The following SMOC2 variants were observed in gnomAD, a reference collection of about 807,000 sequenced individuals.
SMOC2 encodes the protein SPARC related modular calcium binding 2, also known as SPARC-related modular calcium-binding protein 2.
A neutral mutation model predicts 61.4 loss-of-function variants in SMOC2; 39 were observed. The observed-to-expected ratio is 0.64, with a 90% CI of 0.49 to 0.83. The LOEUF is 0.83. Ranked by LOEUF, SMOC2 falls within the 40% of genes least tolerant of loss-of-function variation. The pLI, the probability that SMOC2 is intolerant of heterozygous loss-of-function variation, is 0.00. For missense variants in SMOC2, 556 were observed against 592.9 expected, an observed-to-expected ratio of 0.94 and a Z score of 0.65; for synonymous variants, 247 against 239.9, an observed-to-expected ratio of 1.03 and a Z score of -0.27.
intron 1 of SMOC2, among the ~76,000 whole-genome samples, chr6:168,497,186 A>G (rs755948061): frequency 6.6e-6 from 1 of 152,236 alleles, no homozygotes. Flanking sequence ...CCCCAAGCCC[A>G]TGACTGGGTT....
At chr6:168,516,857 G>A (rs1783148050) in intron 2 of SMOC2, among the ~76,000 whole-genome samples, 2 of 152,204 alleles carry the variant, frequency 1.3e-5, no homozygotes, top group Admixed American at 6.5e-5. Flanking sequence ...AGGAGGCTGA[G>A]GCAGGGGAAT....
chr6:168,623,867 G>C (rs1786313824), intron 9 of SMOC2, among the ~76,000 whole-genome samples: 1 of 152,162 alleles, frequency 6.6e-6, no homozygotes, highest in African/African-American at 2.4e-5. Flanking sequence ...GCTGATGCGT[G>C]CTGAGGCCTG....
intron 5 of SMOC2, 75 bp from the exon 6 acceptor site, chr6:168,547,044 C>T: frequency 6.3e-7 from 1 of 1,576,682 alleles, no homozygotes; most frequent in Non-Finnish European, 8.7e-7. Flanking sequence ...CCTCAGCATC[C>T]ACCCGTATGC....
intron 4 of SMOC2, among the ~76,000 whole-genome samples, chr6:168,538,436 G>A (rs1216985833): frequency 6.2e-5 from 6 of 96,524 alleles, no homozygotes; most frequent in African/African-American, 8.4e-5. Context: ...CTGCTGGAAT[G>A]TGGGGGAGTG....
chr6:168,479,662 G>C (rs941506328), intron 1 of SMOC2, among the ~76,000 whole-genome samples: 4 of 152,218 alleles, frequency 2.6e-5, no homozygotes, highest in African/African-American at 9.7e-5. Flanking sequence ...CCTGGAACAG[G>C]CTGCATGCAG....
At chr6:168,473,167 C>T (rs1304871820) in intron 1 of SMOC2, among the ~76,000 whole-genome samples, 1 of 152,178 alleles carries the variant, frequency 6.6e-6, no homozygotes, top group Non-Finnish European at 1.5e-5. Flanking sequence ...GTGGACAGAG[C>T]AGGGAGTGGG....
chr6:168,483,043 G>C (rs953595505), intron 1 of SMOC2, among the ~76,000 whole-genome samples: 1 of 152,070 alleles, frequency 6.6e-6, no homozygotes, highest in Non-Finnish European at 1.5e-5. Flanking sequence ...AGTACTGAAA[G>C]TTCTAGCTAG....
intron 1 of SMOC2, among the ~76,000 whole-genome samples, chr6:168,446,306 T>G (rs1781332056): frequency 6.6e-6 from 1 of 152,186 alleles, no homozygotes; most frequent in African/African-American, 2.4e-5. Context: ...GAGGTTGCAG[T>G]GAGCCGAGAT....
intron 11 of SMOC2, 56 bp downstream of exon 11, chr6:168,653,284 G>T: frequency 1.3e-6 from 2 of 1,554,284 alleles, no homozygotes; most frequent in Admixed American, 2.1e-5. Flanking sequence ...AGGCCTGGGA[G>T]GTCTGCTTCT....
At chr6:168,529,173 G>A (rs1173801017) in intron 4 of SMOC2, among the ~76,000 whole-genome samples, 1 of 152,198 alleles carries the variant, frequency 6.6e-6, no homozygotes, top group East Asian at 1.9e-4. Flanking sequence ...CTTCCAACTA[G>A]GTCTCAGTAT....
chr6:168,598,471 C>T (rs1029141937), intron 7 of SMOC2, among the ~76,000 whole-genome samples: 7 of 152,206 alleles, frequency 4.6e-5, no homozygotes, highest in African/African-American at 1.7e-4. Flanking sequence ...GGTTCTGCCT[C>T]GTCACATTCA....
At chr6:168,461,559 A>G (rs1217550570) in intron 1 of SMOC2, among the ~76,000 whole-genome samples, 3 of 152,078 alleles carry the variant, frequency 2.0e-5, no homozygotes, top group Non-Finnish European at 4.4e-5. Flanking sequence ...ATTTGACTTC[A>G]TGTTGATTTT....
At chr6:168,532,414 T>C (rs555261862) in intron 4 of SMOC2, among the ~76,000 whole-genome samples, 18 of 152,262 alleles carry the variant, frequency 1.2e-4, no homozygotes, top group African/African-American at 4.3e-4. Context: ...GTTTCTTTCT[T>C]TTCTTCCTCA....
intron 9 of SMOC2, among the ~76,000 whole-genome samples, chr6:168,635,422 C>T (rs1233799858): frequency 6.6e-6 from 1 of 152,150 alleles, no homozygotes; most frequent in Non-Finnish European, 1.5e-5. Flanking sequence ...CCCGTGGCCC[C>T]GCGTGGGGCC....
chr6:168,626,959 G>C (rs988116867), intron 9 of SMOC2, among the ~76,000 whole-genome samples: 24 of 152,286 alleles, frequency 1.6e-4, no homozygotes, highest in African/African-American at 5.8e-4. Context: ...TACCTGCTGT[G>C]TTTGATTATA....
At chr6:168,637,853 G>C (rs1462729773) in intron 9 of SMOC2, among the ~76,000 whole-genome samples, 1 of 152,182 alleles carries the variant, frequency 6.6e-6, no homozygotes, top group East Asian at 1.9e-4. Flanking sequence ...TACGGGGAAG[G>C]GGAAGCTGGG....
intron 1 of SMOC2, among the ~76,000 whole-genome samples, chr6:168,457,095 C>G (rs1311338413): frequency 1.3e-5 from 2 of 152,238 alleles, no homozygotes; most frequent in African/African-American, 4.8e-5. Flanking sequence ...AGCCCTGTGT[C>G]CTCACACTGC....
Position 168,544,421 on chromosome 6 carries a change from A to G in SMOC2, c.511+749A>G, listed in dbSNP as rs529963423. Among the ~76,000 whole-genome samples the G allele has an allele frequency of 1.3e-5, 2 of 152,226 alleles. No individual in the cohort carries two copies. The highest frequency in any genetic ancestry group is 2.9e-5 in the Non-Finnish European group (2 of 68,044). ...TGAACCAGTAACAAACAAAAATAAT[A>G]TAAACACAGACCAGGCCGAGGCAGG... is the stretch of plus-strand genomic sequence containing the variant. On this transcript the variant is annotated intron_variant, in intron 5 of 12. Coordinates refer to ENST00000356284, the MANE Select transcript of SMOC2 (RefSeq NM_001166412.2). This position sits in a 1 kb window ranked among gnomAD's most constrained non-coding sequence, Gnocchi z 4.1.
At chr6:168,549,855 T>A (rs567609916) in intron 7 of SMOC2, among the ~76,000 whole-genome samples, 1 of 152,374 alleles carries the variant, frequency 6.6e-6, no homozygotes, top group South Asian at 2.1e-4. Context: ...AGTTAATAAG[T>A]AAATAATTAT....
Sources: allele counts gnomAD v4.1 joint callset (sites outside exome capture counted in the v4.1 genomes callset), GRCh38; gene constraint gnomAD v4.1.1; non-coding constraint Gnocchi (gnomAD v3.1); transcripts MANE v1.5; gene names NCBI Gene and HGNC (gene_info 2026-07-23, HGNC 2026-07-21).